The following TMEM181 variants were observed in gnomAD, a reference collection of about 807,000 sequenced individuals.
TMEM181 encodes G protein-coupled receptor 178.
Under a neutral mutation model 71.9 loss-of-function variants are expected in TMEM181, and 39 were observed. The observed-to-expected ratio is 0.54, with a 90% CI of 0.42 to 0.71. TMEM181 has a LOEUF of 0.71. Ranked by LOEUF, TMEM181 falls within the 30% of genes least tolerant of loss-of-function variation. TMEM181 has a pLI of 0.00. For synonymous variants in TMEM181, 245 were observed against 228.8 expected, an observed-to-expected ratio of 1.07 and a Z score of -0.64; for missense variants, 595 against 583.0, an observed-to-expected ratio of 1.02 and a Z score of -0.21.
In TMEM181 at chr6:158,591,113, GTTTGGGTTGTTTCCATTTT is replaced by G. The variant is rs1302130880; in HGVS notation, c.492+1337_492+1355del. 2.0e-5 allele frequency among the ~76,000 whole-genome samples: 3 copies of G among 152,284 alleles called. No homozygotes were observed. The East Asian group carries it at 5.8e-4, about 29-fold the overall frequency. On this transcript the variant is annotated intron_variant, in intron 6 of 16. Coordinates refer to ENST00000684151, the MANE Select transcript of TMEM181 (RefSeq NM_001376852.1). ...TTAATCCCTTCATCAGGTGACAGGCGTTTGGGTTGTTTCCATTTTTTTGGCTGTTGTGAACTACACAAAA... is the reference window on the plus strand; with the variant it reads ...TTAATCCCTTCATCAGGTGACAGGCGTTTGGCTGTTGTGAACTACACAAAA...
chr6:158,580,572 A>C (rs1210318270), intron 2 of TMEM181, among the ~76,000 whole-genome samples: 1 of 152,222 alleles, frequency 6.6e-6, no homozygotes, highest in Non-Finnish European at 1.5e-5. Context: ...TTTTGGAAGA[A>C]ATCTTTATAT....
intron 1 of TMEM181, among the ~76,000 whole-genome samples, chr6:158,542,398 A>G (rs1781387164): frequency 6.6e-6 from 1 of 152,182 alleles, no homozygotes; most frequent in African/African-American, 2.4e-5. Flanking sequence ...CATCTTATAT[A>G]ATCTTCCCGA....
chr6:158,582,963 A>G (rs183951774), intron 3 of TMEM181, among the ~76,000 whole-genome samples: 494 of 152,260 alleles, frequency 3.2e-3, no homozygotes, highest in African/African-American at 0.011. Context: ...GGCCGGGCGC[A>G]GTGGCTCATG....
intron 5 of TMEM181, among the ~76,000 whole-genome samples, chr6:158,587,251 C>G (rs1344157570): frequency 6.6e-6 from 1 of 152,196 alleles, no homozygotes; most frequent in Admixed American, 6.5e-5. Flanking sequence ...ACTGGCTGGT[C>G]TGCACTGTTC....
Position 158,578,574 on chromosome 6 carries a change from G to A in TMEM181, c.113-2366G>A, listed in dbSNP as rs577270335. ...AATTGTGACAGCAGTTGAAAGAGGC[G>A]GGGATGGAGCTGTTATAGGTGCAGA... On this transcript the variant is annotated intron_variant, in intron 2 of 16. Transcript: ENST00000684151. 4.6e-5 allele frequency among the ~76,000 whole-genome samples: 7 copies of A among 152,234 alleles called. No homozygotes were observed. The South Asian group carries it at 1.2e-3, about 27-fold the overall frequency.
intron 1 of TMEM181, among the ~76,000 whole-genome samples, chr6:158,566,992 T>C (rs1782545772): frequency 1.3e-5 from 2 of 152,210 alleles, no homozygotes; most frequent in South Asian, 4.1e-4. Context: ...TCTGTGATAT[T>C]TTAAAGCACC....
chr6:158,597,330 A>C (rs1300145300), intron 6 of TMEM181, among the ~76,000 whole-genome samples: 2 of 152,218 alleles, frequency 1.3e-5, no homozygotes, highest in East Asian at 3.8e-4. Flanking sequence ...ATAGAGATTT[A>C]TTCCTTACAG....
chr6:158,586,438 G>A (rs563557884), intron 5 of TMEM181, among the ~76,000 whole-genome samples: 1 of 152,342 alleles, frequency 6.6e-6, no homozygotes, highest in African/African-American at 2.4e-5. Flanking sequence ...CTCATGGCAA[G>A]TCCATGAAGT....
chr6:158,574,763 C>G (rs559250588), intron 2 of TMEM181, among the ~76,000 whole-genome samples: 67 of 152,218 alleles, frequency 4.4e-4, no homozygotes, highest in African/African-American at 1.6e-3. Context: ...CCTGTCTATC[C>G]TGTCTGTCTG....
chr6:158,577,967 G>A (rs1175958695), intron 2 of TMEM181, among the ~76,000 whole-genome samples: 2 of 152,154 alleles, frequency 1.3e-5, no homozygotes, highest in Non-Finnish European at 2.9e-5. Flanking sequence ...GCACATGCCT[G>A]TAATCCTAGC....
chr6:158,602,944 T>C (rs150976342), intron 6 of TMEM181, among the ~76,000 whole-genome samples: 11 of 152,308 alleles, frequency 7.2e-5, no homozygotes, highest in African/African-American at 2.6e-4. Flanking sequence ...TGACAAGAAA[T>C]CTGATGTCCA....
At chr6:158,604,492 ACCTGG>A (rs1262712737) in intron 6 of TMEM181, among the ~76,000 whole-genome samples, 1 of 152,070 alleles carries the variant, frequency 6.6e-6, no homozygotes, top group Non-Finnish European at 1.5e-5. Context: ...CTGGTTATGG[ACCTGG>A]CTCGTGCTTA....
upstream of TMEM181, chr6:158,560,059 C>G: frequency 2.0e-6 from 2 of 985,124 alleles, no homozygotes; most frequent in Non-Finnish European, 2.4e-6. Flanking sequence ...AGAGTCGCTT[C>G]CGCGCACGTG....
intron 2 of TMEM181, among the ~76,000 whole-genome samples, chr6:158,578,054 C>T (rs1783261485): frequency 6.6e-6 from 1 of 152,128 alleles, no homozygotes; most frequent in Non-Finnish European, 1.5e-5. Flanking sequence ...CGCGCCATTG[C>T]ACTCCAGCCT....
intron 1 of TMEM181, among the ~76,000 whole-genome samples, chr6:158,537,044 G>A (rs1158559942): frequency 1.3e-5 from 2 of 151,940 alleles, no homozygotes; most frequent in Non-Finnish European, 2.9e-5. Flanking sequence ...ACCAGGAAGG[G>A]GACGGGGAGC....
At chr6:158,623,521 C>A in intron 10 of TMEM181, 29 bp from the exon 11 acceptor site, 2 of 1,397,354 alleles carry the variant, frequency 1.4e-6, no homozygotes, top group Non-Finnish European at 9.7e-7. Context: ...AGTTATTAAT[C>A]TATAATTATT....
intron 13 of TMEM181, among the ~76,000 whole-genome samples, chr6:158,627,277 C>T (rs1401745089): frequency 1.3e-5 from 2 of 152,208 alleles, no homozygotes; most frequent in Non-Finnish European, 2.9e-5. Context: ...GCCTCCGTCT[C>T]GGAAGTTGCC....
chr6:158,578,980 C>G (rs1424553578), intron 2 of TMEM181, among the ~76,000 whole-genome samples: 1 of 151,888 alleles, frequency 6.6e-6, no homozygotes, highest in South Asian at 2.1e-4. Context: ...GGGTCTTGGC[C>G]GGGCATGGTG....
At chr6:158,609,244 C>CT (rs1381510516) in intron 10 of TMEM181, among the ~76,000 whole-genome samples, 5 of 152,178 alleles carry the variant, frequency 3.3e-5, no homozygotes, top group African/African-American at 1.2e-4. Flanking sequence ...CCCCCATTAA[C>CT]TATCTGCGGT....
Sources: gnomAD v4.1 joint callset for allele counts (sites outside exome capture counted in the v4.1 genomes callset) on GRCh38, gnomAD v4.1.1 for gene constraint, MANE v1.5 for transcripts, NCBI Gene and HGNC (gene_info 2026-07-23, HGNC 2026-07-21) for gene names.